Variants in PTPRK observed in about 807,000 individuals in gnomAD.
PTPRK encodes the protein receptor-type tyrosine-protein phosphatase kappa.
A neutral mutation model predicts 178.0 loss-of-function variants in PTPRK; 75 were observed. The ratio of observed to expected loss-of-function variants is 0.42; its 90% CI spans 0.35 to 0.51. PTPRK has a LOEUF of 0.51. Ranked by LOEUF, PTPRK falls within the 20% of genes least tolerant of loss-of-function variation. PTPRK has a pLI of 0.02. For missense variants in PTPRK, 1,441 were observed against 1,797.8 expected, an observed-to-expected ratio of 0.80 and a Z score of 3.59; for synonymous variants, 637 against 620.6, an observed-to-expected ratio of 1.03 and a Z score of -0.39.
intron 1 of PTPRK, among the ~76,000 whole-genome samples, chr6:128,446,014 A>G (rs1846970865): frequency 6.6e-6 from 1 of 152,180 alleles, no homozygotes. Context: ...ACCAAAAGGC[A>G]TGTTAACTGC....
intron 21 of PTPRK, among the ~76,000 whole-genome samples, chr6:127,987,881 T>C (rs1776157359): frequency 6.6e-6 from 1 of 152,144 alleles, no homozygotes; most frequent in African/African-American, 2.4e-5. Flanking sequence ...ATCACCTTTA[T>C]CATGTTTAGG....
At chr6:128,143,622 T>C (rs1796086470) in intron 7 of PTPRK, among the ~76,000 whole-genome samples, 1 of 152,152 alleles carries the variant, frequency 6.6e-6, no homozygotes, top group Admixed American at 6.6e-5. Context: ...TTTCAGCTCA[T>C]GGGCTCTAGT....
chr6:128,066,935 C>G (rs1036629419), intron 12 of PTPRK, among the ~76,000 whole-genome samples: 1 of 152,124 alleles, frequency 6.6e-6, no homozygotes, highest in Non-Finnish European at 1.5e-5. Context: ...ACCAGGGAAA[C>G]AGAGAGCAGC....
At chr6:128,185,827 T>A (rs1250172365) in intron 6 of PTPRK, among the ~76,000 whole-genome samples, 1 of 152,082 alleles carries the variant, frequency 6.6e-6, no homozygotes, top group Non-Finnish European at 1.5e-5. Flanking sequence ...TCTAGTTGGA[T>A]TTTTTGTTTC....
chr6:128,278,880 C>T (rs1821229909), intron 3 of PTPRK, among the ~76,000 whole-genome samples: 1 of 152,056 alleles, frequency 6.6e-6, no homozygotes, highest in Admixed American at 6.5e-5. Context: ...AAATACCAAC[C>T]TCCTCATTTC....
At chr6:128,259,785 T>A (rs1768359) in intron 3 of PTPRK, among the ~76,000 whole-genome samples, 1 of 152,148 alleles carries the variant, frequency 6.6e-6, no homozygotes, top group Non-Finnish European at 1.5e-5. Flanking sequence ...TTTCTAGCAG[T>A]TGAAGATATA....
intron 3 of PTPRK, among the ~76,000 whole-genome samples, chr6:128,298,846 C>T (rs1380018958): frequency 2.0e-5 from 3 of 151,910 alleles, no homozygotes; most frequent in Admixed American, 6.5e-5. Flanking sequence ...TCCTATTCAA[C>T]ATAGTGTTGG....
intron 2 of PTPRK, among the ~76,000 whole-genome samples, chr6:128,341,690 A>T (rs568391069): frequency 6.6e-6 from 1 of 152,222 alleles, no homozygotes; most frequent in South Asian, 2.1e-4. Context: ...CCATTAAAAA[A>T]GTAAAGTGAA....
intron 13 of PTPRK, among the ~76,000 whole-genome samples, chr6:128,063,133 T>C (rs1582805016): frequency 6.6e-6 from 1 of 152,262 alleles, no homozygotes; most frequent in East Asian, 1.9e-4. Context: ...CCAGAGTCCT[T>C]TCTCTTACTC....
At chr6:128,035,338 C>G (rs187611835) in intron 13 of PTPRK, among the ~76,000 whole-genome samples, 1 of 151,684 alleles carries the variant, frequency 6.6e-6, no homozygotes, top group Non-Finnish European at 1.5e-5. Flanking sequence ...TGCACTCCAG[C>G]CTGGGTGACA....
At chr6:128,485,762 T>G (rs902794344) in intron 1 of PTPRK, among the ~76,000 whole-genome samples, 1 of 152,152 alleles carries the variant, frequency 6.6e-6, no homozygotes, top group Non-Finnish European at 1.5e-5. Context: ...GTTCCAAGAA[T>G]AAACAGAATG....
chr6:128,086,861 T>C (rs1414096361), intron 8 of PTPRK, among the ~76,000 whole-genome samples: 3 of 151,966 alleles, frequency 2.0e-5, no homozygotes, highest in African/African-American at 7.2e-5. Flanking sequence ...TTTGTGACAA[T>C]ACTATGAAAT....
At chr6:128,302,391 CA>C (rs534525238) in intron 3 of PTPRK, among the ~76,000 whole-genome samples, 85 of 30,944 alleles carry the variant, frequency 2.7e-3, no homozygotes, top group Middle Eastern at 0.024. Context: ...GACTCAATTC[CA>C]AAAAAAAAAA....
chr6:128,157,898 T>C (rs986321230), intron 7 of PTPRK, among the ~76,000 whole-genome samples: 1 of 152,018 alleles, frequency 6.6e-6, no homozygotes, highest in Non-Finnish European at 1.5e-5. Flanking sequence ...CCTGTTCACT[T>C]TGATGGTAGT....
chr6:127,975,765 G>A (rs971234541), intron 27 of PTPRK, among the ~76,000 whole-genome samples: 18 of 152,044 alleles, frequency 1.2e-4, no homozygotes, highest in African/African-American at 3.9e-4. Context: ...TCTGCCTCCC[G>A]GGTTCAAATG....
chr6:128,115,767 G>A (rs961850807), intron 7 of PTPRK, among the ~76,000 whole-genome samples: 2 of 152,034 alleles, frequency 1.3e-5, no homozygotes, highest in Non-Finnish European at 2.9e-5. Context: ...GAATGTTAAT[G>A]TTCACATGGT....
chr6:128,431,835 A>C (rs1844872943), intron 1 of PTPRK, among the ~76,000 whole-genome samples: 1 of 152,242 alleles, frequency 6.6e-6, no homozygotes, highest in Non-Finnish European at 1.5e-5. Context: ...AATCCAAATG[A>C]ATAACGGTTT....
intron 5 of PTPRK, among the ~76,000 whole-genome samples, chr6:128,221,499 G>A (rs1309812004): frequency 6.6e-6 from 1 of 151,008 alleles, no homozygotes; most frequent in African/African-American, 2.4e-5. Flanking sequence ...ACTCCAGCCT[G>A]GGTGATAGAG....
chr6:128,444,691 G>A (rs1437711057), intron 1 of PTPRK, among the ~76,000 whole-genome samples: 1 of 152,116 alleles, frequency 6.6e-6, no homozygotes, highest in Non-Finnish European at 1.5e-5. Context: ...TTCCGAGGTT[G>A]AGCCAAGCAG....
Sources: gnomAD v4.1 joint callset for allele counts (sites outside exome capture counted in the v4.1 genomes callset) on GRCh38, gnomAD v4.1.1 for gene constraint, MANE v1.5 for transcripts, NCBI Gene and HGNC (gene_info 2026-07-23, HGNC 2026-07-21) for gene names.